Variants in KIF23 observed in about 807,000 individuals in gnomAD.
KIF23 encodes kinesin-like protein KIF23.
A neutral mutation model predicts 137.5 loss-of-function variants in KIF23; 30 were observed. That is an observed-to-expected ratio of 0.22 (90% CI 0.16 to 0.30). The LOEUF (loss-of-function observed/expected upper bound fraction) is 0.30, where lower values mean the gene tolerates loss of function less well. Ranked by LOEUF, KIF23 falls within the 10% of genes least tolerant of loss-of-function variation. The pLI is 1.00. For missense variants in KIF23, 920 were observed against 1,194.3 expected (o/e 0.77, Z 3.38); for synonymous variants, 367 against 391.1 (o/e 0.94, Z 0.73).
In KIF23 at chr15:69,438,235, GT is replaced by G; in HGVS notation, c.1598-8del. ...AACTGGTGTAAAACTTGACCTGTATGTTTTTGTTTCAGCTAATGCTTTTAAA... is the reference window on the plus strand; with the variant it reads ...AACTGGTGTAAAACTTGACCTGTATGTTTTGTTTCAGCTAATGCTTTTAAA... On this transcript the variant is annotated splice_polypyrimidine_tract_variant and intron_variant, in intron 15 of 23. Coordinates refer to ENST00000679126, the MANE Select transcript of KIF23 (RefSeq NM_001367805.3). 2 of 1,587,920 alleles carry G rather than the reference GT, an allele frequency of 1.3e-6. No homozygotes were observed. The highest frequency in any genetic ancestry group is 8.5e-7 in the Non-Finnish European group (1 of 1,170,990).
rs200991036 is a variant in KIF23 at position 69,435,716 on chromosome 15, A to G, written c.1259A>G (p.Lys420Arg). The G allele has an allele frequency of 1.9e-6, 3 of 1,614,186 alleles. No individual in the cohort carries two copies. Among genetic ancestry groups the G allele is most frequent in the South Asian group, 1.1e-5 (1 of 91,086 alleles). The change falls in exon 13 of 24, where the codon AAA becomes AGA. Residue 420 changes from lysine to arginine, a missense_variant. Around this residue, in one of 4 missense-constraint regions of KIF23, gnomAD observed 714 missense variants for 866.2 expected, o/e 0.82. Coordinates refer to ENST00000679126, the MANE Select transcript of KIF23 (RefSeq NM_001367805.3). ...AAGAACTACTTTGATGGGGAAGGAA[A>G]AGTGCGGATGATCGTGTGTGTGAAC... ...LFKNYFDGEG[K>R]VRMIVCVNPK...
chr15:69,435,746 A>G lies in KIF23; in HGVS notation c.1289A>G (p.Lys430Arg), dbSNP rs752931913. Residue 430 changes from lysine to arginine, a missense_variant, in exon 13 of 24, where the codon AAG becomes AGG. Lys to Arg is a conservative substitution (Grantham distance 26). Coordinates refer to ENST00000679126, the MANE Select transcript of KIF23 (RefSeq NM_001367805.3). ...CGGATGATCGTGTGTGTGAACCCCA[A>G]GGCTGAAGATTATGAAGAAAACTTG... ...KVRMIVCVNPKAEDYEENLQV... is the reference protein window; with the variant it reads ...KVRMIVCVNPRAEDYEENLQV... 1 of 1,614,202 alleles carries G rather than the reference A, an allele frequency of 6.2e-7. No homozygotes were observed. Among genetic ancestry groups the G allele is most frequent in the Non-Finnish European group, 8.5e-7 (1 of 1,180,052 alleles).
At chr15:69,426,689 C>CAGCCTGGGTGACAGAGTGAG in intron 10 of KIF23, 1 of 474,638 alleles carries the variant, frequency 2.1e-6, no homozygotes, top group Non-Finnish European at 3.7e-6. Context: ...CACTGTAGTC[C>CAGCCTGGGTGACAGAGTGAG]AGCCTGGGTG....
chr15:69,417,241 A>T, intron 2 of KIF23, 142 bp from the exon 3 acceptor site: 1 of 651,994 alleles, frequency 1.5e-6, no homozygotes, highest in Non-Finnish European at 2.4e-6. Context: ...AGCAGATTTT[A>T]ATTTTCTTAG....
At position 69,423,308 on chromosome 15, in the gene KIF23, C is replaced by G; in HGVS notation, c.713C>G (p.Pro238Arg). 2 of 1,568,036 alleles carry G rather than the reference C, an allele frequency of 1.3e-6. No homozygotes were observed. The highest frequency in any genetic ancestry group is 8.6e-7 in the Non-Finnish European group (1 of 1,159,704). ...NYIYDLLEEV[P>R]FDPIKPKWNS... ...ATATATGATCTATTGGAAGAGGTGC[C>G]GTTTGATCCCATAAAACCCAAGTAA... Residue 238 changes from proline (P) to arginine (R), a missense_variant, in exon 7 of 24, where the codon CCG becomes CGG. Physicochemically the swap from Pro to Arg is moderately radical, Grantham distance 103. Around this residue, in one of 4 missense-constraint regions of KIF23, gnomAD observed 714 missense variants for 866.2 expected, o/e 0.82. Coordinates refer to ENST00000679126, the MANE Select transcript of KIF23 (RefSeq NM_001367805.3).
intron 3 of KIF23, among the ~76,000 whole-genome samples, chr15:69,420,632 A>G (rs1431166299): frequency 1.3e-5 from 2 of 152,208 alleles, no homozygotes; most frequent in African/African-American, 4.8e-5. Context: ...CTGGTTTTAA[A>G]CTATAGTACA....
intron 19 of KIF23, 137 bp downstream of exon 19, chr15:69,441,216 A>G: frequency 2.4e-6 from 2 of 819,158 alleles, no homozygotes; most frequent in South Asian, 3.9e-5. Context: ...AGTTAATTTG[A>G]AAGATTGACT....
intron 22 of KIF23, 119 bp downstream of exon 22, chr15:69,446,483 G>A (rs1452638385): frequency 2.7e-6 from 2 of 746,458 alleles, no homozygotes; most frequent in East Asian, 2.6e-5. Context: ...CACATTGCCA[G>A]TGCACCATGT....
intron 5 of KIF23, 69 bp from the exon 6 acceptor site, chr15:69,422,257 T>C: frequency 6.9e-7 from 1 of 1,447,548 alleles, no homozygotes; most frequent in Non-Finnish European, 9.5e-7. Context: ...TTTTTAAACA[T>C]ATTTCTTACT....
Position 69,434,811 on chromosome 15 carries a change from TC to T in KIF23, c.1115-670del. 4 of 985,976 alleles carry T rather than the reference TC, an allele frequency of 4.1e-6. No individual in the cohort carries two copies. The South Asian group carries it at 5.6e-5, about 14-fold the overall frequency. The allele number at this position is 985,976 out of a possible 1,614,324, so 61.1% of individuals were successfully genotyped here. Reference sequence around the variant, plus strand: ...AGGCAGCCCCTTCTTCTTGCACTCATCCTGCACGTCCCTGGCAGTAATGTCC... The same window carrying T: ...AGGCAGCCCCTTCTTCTTGCACTCATCTGCACGTCCCTGGCAGTAATGTCC... On this transcript the variant is annotated intron_variant, in intron 11 of 23. Coordinates refer to ENST00000679126, the MANE Select transcript of KIF23 (RefSeq NM_001367805.3).
At chr15:69,434,783 C>A in intron 11 of KIF23, 1 of 1,067,562 alleles carries the variant, frequency 9.4e-7, no homozygotes, top group South Asian at 1.3e-5. Context: ...TGGCCAGAGT[C>A]CAAGGCAGCC....
intron 8 of KIF23, among the ~76,000 whole-genome samples, chr15:69,425,635 T>G (rs2140337944): frequency 6.6e-6 from 1 of 152,322 alleles, no homozygotes; most frequent in East Asian, 1.9e-4. Flanking sequence ...TATACCAAAC[T>G]CTTTCTGAAT....
chr15:69,428,210 G>A (rs1189503782), intron 10 of KIF23, among the ~76,000 whole-genome samples: 3 of 151,720 alleles, frequency 2.0e-5, no homozygotes, highest in South Asian at 2.1e-4. Flanking sequence ...AGCCAAGATT[G>A]CGCCACTGCA....
chr15:69,447,206 C>T (rs777513702), intron 23 of KIF23, among the ~76,000 whole-genome samples: 10 of 152,156 alleles, frequency 6.6e-5, no homozygotes, highest in East Asian at 3.9e-4. Context: ...ATTCTGCCAA[C>T]GCTCATAAAG....
chr15:69,424,244 C>T (rs1347636389), intron 7 of KIF23, among the ~76,000 whole-genome samples: 1 of 152,174 alleles, frequency 6.6e-6, no homozygotes, highest in Non-Finnish European at 1.5e-5. Flanking sequence ...ATACAGTTAT[C>T]TTCACCAGAG....
intron 17 of KIF23, 31 bp from the exon 18 acceptor site, chr15:69,440,277 G>T (rs1445940517): frequency 1.3e-6 from 2 of 1,593,168 alleles, no homozygotes; most frequent in South Asian, 2.3e-5. Flanking sequence ...GTGATGGAAT[G>T]ATAATATACA....
intron 7 of KIF23, among the ~76,000 whole-genome samples, chr15:69,424,419 C>T (rs1485699612): frequency 2.0e-5 from 3 of 152,190 alleles, no homozygotes; most frequent in African/African-American, 7.2e-5. Context: ...GGACTTATTT[C>T]TGGAGTGACC....
At chr15:69,427,292 C>T (rs1374688964) in intron 10 of KIF23, 2 of 412,638 alleles carry the variant, frequency 4.8e-6, no homozygotes, top group African/African-American at 4.2e-5. Context: ...GATCCTACAA[C>T]TAATCCCTCG....
intron 10 of KIF23, among the ~76,000 whole-genome samples, chr15:69,428,635 G>T (rs1295218306): frequency 1.4e-5 from 2 of 138,954 alleles, no homozygotes; most frequent in African/African-American, 5.5e-5. Context: ...AATCCAGCCG[G>T]GAGGTAGAGC....
Sources: gnomAD v4.1 joint callset for allele counts (sites outside exome capture counted in the v4.1 genomes callset) on GRCh38, gnomAD v4.1.1 for gene constraint, gnomAD v4.1.1 regional missense constraint, MANE v1.5 for transcripts, NCBI Gene and HGNC (gene_info 2026-07-23, HGNC 2026-07-21) for gene names.